The following TBCK variants were observed in gnomAD, a reference collection of about 807,000 sequenced individuals.
The protein encoded by TBCK is TBC domain-containing protein kinase-like protein.
In TBCK, 99 loss-of-function variants were observed where a neutral mutation model predicts 113.4. The ratio of observed to expected loss-of-function variants is 0.87; its 90% CI spans 0.74 to 1.03. The LOEUF (loss-of-function observed/expected upper bound fraction) is 1.03, where lower values mean the gene tolerates loss of function less well. TBCK is among the 50% of genes least tolerant of loss of function. The probability of loss-of-function intolerance (pLI) is 0.00; values close to 1 mark genes in which losing one functional copy is unlikely to be tolerated. For synonymous variants in TBCK, 369 were observed against 370.8 expected, an observed-to-expected ratio of 1.00 and a Z score of 0.05; for missense variants, 1,045 against 1,061.3, an observed-to-expected ratio of 0.98 and a Z score of 0.21.
At chr4:106,239,018 T>C (rs1759781048) in intron 12 of TBCK, among the ~76,000 whole-genome samples, 1 of 152,054 alleles carries the variant, frequency 6.6e-6, no homozygotes, top group Non-Finnish European at 1.5e-5. Context: ...TACCCTTGAC[T>C]TCCTGCAGGG....
At position 106,294,659 on chromosome 4, in the gene TBCK, T is replaced by A. The variant is rs537121410; in HGVS notation, c.266+435A>T. 6.4e-4 allele frequency among the ~76,000 whole-genome samples: 97 copies of A among 151,966 alleles called. 1 individual carries two copies. The highest frequency in any genetic ancestry group is 2.2e-3 in the African/African-American group (92 of 41,466). Reference sequence around the variant, plus strand: ...ACCACGTCCAGCTAATTTTTTGTATTTTTAGTAGAGACAGGGTTTCACCGT... The same window carrying A: ...ACCACGTCCAGCTAATTTTTTGTATATTTAGTAGAGACAGGGTTTCACCGT... On this transcript the variant is annotated intron_variant, in intron 3 of 25. Coordinates refer to ENST00000394708, the MANE Select transcript of TBCK (RefSeq NM_001163435.3).
intron 24 of TBCK, among the ~76,000 whole-genome samples, chr4:106,104,721 G>A (rs931362600): frequency 2.6e-5 from 4 of 152,264 alleles, no homozygotes; most frequent in African/African-American, 9.6e-5. Flanking sequence ...AGGGTCTCCA[G>A]ACACTTGGTA....
At chr4:106,164,909 T>C (rs1560746353) in intron 23 of TBCK, among the ~76,000 whole-genome samples, 1 of 151,756 alleles carries the variant, frequency 6.6e-6, no homozygotes, top group East Asian at 1.9e-4. Context: ...GCATACCTTA[T>C]AAACTGAAGG....
At chr4:106,128,389 G>A (rs940022269) in intron 23 of TBCK, among the ~76,000 whole-genome samples, 27 of 152,138 alleles carry the variant, frequency 1.8e-4, no homozygotes, top group Admixed American at 1.7e-3. Flanking sequence ...CTGAAATCAA[G>A]ATGCATATAG....
At chr4:106,304,729 T>TTC (rs1351849752) in intron 2 of TBCK, among the ~76,000 whole-genome samples, 2 of 152,220 alleles carry the variant, frequency 1.3e-5, no homozygotes, top group Non-Finnish European at 2.9e-5. Context: ...ATTAGCTCTC[T>TTC]TCTCTCTCCA....
At chr4:106,181,200 T>C (rs988370132) in intron 22 of TBCK, among the ~76,000 whole-genome samples, 4 of 152,078 alleles carry the variant, frequency 2.6e-5, no homozygotes, top group Admixed American at 2.6e-4. Context: ...CCTTTGCCCA[T>C]TTTTTGATGG....
chr4:106,244,747 G>T lies in TBCK; in HGVS notation c.949C>A (p.Leu317Met). ...QLCKDINNDY[L>M]AERSIEEVYY... ...ACTTCTTCAATAGATCTTTCTGCCAGGTAATCATTATTTATATCTATTAAA... is the reference window on the plus strand; with the variant it reads ...ACTTCTTCAATAGATCTTTCTGCCATGTAATCATTATTTATATCTATTAAA... Residue 317 changes from leucine (L) to methionine (M), a missense_variant, in exon 11 of 26, where the codon CTG (leucine) becomes ATG (methionine). By Grantham distance (15) the Leu-to-Met change is conservative (BLOSUM62 2). Coordinates refer to ENST00000394708, the MANE Select transcript of TBCK (RefSeq NM_001163435.3). 6.3e-7 allele frequency: 1 copy of T among 1,587,968 alleles called. No individual in the cohort carries two copies. The highest frequency in any genetic ancestry group is 1.4e-5 in the African/African-American group (1 of 73,592).
intron 23 of TBCK, among the ~76,000 whole-genome samples, chr4:106,169,058 A>C (rs557728525): frequency 7.2e-5 from 11 of 151,900 alleles, no homozygotes; most frequent in Non-Finnish European, 1.6e-4. Flanking sequence ...CAAAATCAGA[A>C]CAAATAAAAT....
chr4:106,235,756 T>C (rs1287361856), intron 14 of TBCK, among the ~76,000 whole-genome samples: 1 of 152,060 alleles, frequency 6.6e-6, no homozygotes, highest in Non-Finnish European at 1.5e-5. Context: ...TCAATAACTA[T>C]AAGCTACTAT....
intron 25 of TBCK, among the ~76,000 whole-genome samples, chr4:106,085,646 T>C (rs1343078853): frequency 6.6e-6 from 1 of 152,204 alleles, no homozygotes; most frequent in Non-Finnish European, 1.5e-5. Context: ...TCCAACAGAA[T>C]ATACATTCTT....
At chr4:106,172,945 T>G (rs1751207271) in intron 22 of TBCK, among the ~76,000 whole-genome samples, 1 of 152,160 alleles carries the variant, frequency 6.6e-6, no homozygotes, top group Admixed American at 6.6e-5. Flanking sequence ...AGTAGAAGTC[T>G]GAAGTTACTA....
chr4:106,154,585 C>T (rs547688859), intron 23 of TBCK, among the ~76,000 whole-genome samples: 11 of 152,046 alleles, frequency 7.2e-5, no homozygotes, highest in Admixed American at 4.6e-4. Flanking sequence ...GTGTTGTCGT[C>T]GCAATAGTGA....
intron 23 of TBCK, among the ~76,000 whole-genome samples, chr4:106,155,741 T>C (rs1191906737): frequency 6.6e-6 from 1 of 152,146 alleles, no homozygotes; most frequent in Non-Finnish European, 1.5e-5. Context: ...TCTTTAATTA[T>C]TTCAATCTCT....
intron 1 of TBCK, among the ~76,000 whole-genome samples, chr4:106,313,997 ACT>A (rs1247810788): frequency 6.6e-6 from 1 of 152,174 alleles, no homozygotes; most frequent in African/African-American, 2.4e-5. Flanking sequence ...TGAAGTTAAA[ACT>A]CTGGGGAAAA....
At chr4:106,178,298 G>C (rs1181683492) in intron 22 of TBCK, among the ~76,000 whole-genome samples, 1 of 151,474 alleles carries the variant, frequency 6.6e-6, no homozygotes, top group African/African-American at 2.4e-5. Flanking sequence ...CTTTCCAATT[G>C]AATGTGTTAA....
intron 12 of TBCK, 53 bp downstream of exon 12, chr4:106,242,417 G>A: frequency 6.5e-6 from 9 of 1,376,056 alleles, no homozygotes; most frequent in Non-Finnish European, 9.0e-6. Flanking sequence ...TATCTGTAAG[G>A]TTTTAATTAA....
At chr4:106,266,628 A>G (rs1035433586) in intron 3 of TBCK, among the ~76,000 whole-genome samples, 1 of 151,894 alleles carries the variant, frequency 6.6e-6, no homozygotes, top group South Asian at 2.1e-4. Flanking sequence ...AAATTCAAAC[A>G]TAAATGACAT....
chr4:106,220,655 T>G (rs72677355), intron 19 of TBCK, among the ~76,000 whole-genome samples: 4,848 of 152,210 alleles, frequency 0.032, 107 homozygotes, highest in Middle Eastern at 0.078. Flanking sequence ...CTTGACTTGA[T>G]GTTAATTCTA....
intron 23 of TBCK, among the ~76,000 whole-genome samples, chr4:106,160,209 G>A (rs1242373784): frequency 1.8e-4 from 27 of 152,008 alleles, no homozygotes; most frequent in Admixed American, 1.7e-3. Flanking sequence ...TCATGATACT[G>A]GAGTTGGCAC....
Sources: gnomAD v4.1 joint callset for allele counts (sites outside exome capture counted in the v4.1 genomes callset) on GRCh38, gnomAD v4.1.1 for gene constraint, MANE v1.5 for transcripts, NCBI Gene and HGNC (gene_info 2026-07-23, HGNC 2026-07-21) for gene names.